The following SYT1 variants were observed in gnomAD, a reference collection of about 807,000 sequenced individuals.
SYT1 encodes synaptotagmin-1.
SYT1 carries 8 observed loss-of-function variants against 44.8 expected under a neutral mutation model. The observed-to-expected ratio is 0.18, with a 90% CI of 0.10 to 0.32. The LOEUF (loss-of-function observed/expected upper bound fraction) is 0.32. Ranked by LOEUF, SYT1 falls within the 10% of genes least tolerant of loss-of-function variation. The pLI is 1.00. For missense variants in SYT1, 286 were observed against 509.3 expected (o/e 0.56, Z 4.22); for synonymous variants, 154 against 188.8 (o/e 0.82, Z 1.51).
chr12:79,140,014 G>C (rs1031738232), intron 3 of SYT1, among the ~76,000 whole-genome samples: 19 of 152,142 alleles, frequency 1.2e-4, no homozygotes, highest in African/African-American at 4.3e-4. Context: ...AATGGAACAG[G>C]GGCTCTCCAC....
At chr12:79,239,260 A>T (rs1000429154) in intron 4 of SYT1, among the ~76,000 whole-genome samples, 1 of 152,244 alleles carries the variant, frequency 6.6e-6, no homozygotes, top group African/African-American at 2.4e-5. Context: ...TGAGAAAAAT[A>T]TCAGACAAAT....
intron 2 of SYT1, among the ~76,000 whole-genome samples, chr12:79,020,270 C>T (rs952968524): frequency 2.6e-5 from 4 of 151,848 alleles, no homozygotes; most frequent in Admixed American, 1.3e-4. Context: ...CAGCATGTTG[C>T]GAATGTGACT....
chr12:79,088,779 T>TGTGTGA (rs71091640), intron 3 of SYT1, among the ~76,000 whole-genome samples: 1 of 138,420 alleles, frequency 7.2e-6, no homozygotes, highest in Non-Finnish European at 1.6e-5. Flanking sequence ...TGTGTGTGTG[T>TGTGTGA]ATGTGTGTGT....
At chr12:79,095,303 A>G (rs1161500514) in intron 3 of SYT1, among the ~76,000 whole-genome samples, 1 of 151,966 alleles carries the variant, frequency 6.6e-6, no homozygotes, top group Non-Finnish European at 1.5e-5. Flanking sequence ...AGAGAAGGGA[A>G]GTTTTAAACT....
intron 6 of SYT1, among the ~76,000 whole-genome samples, chr12:79,292,504 T>A (rs1879637350): frequency 6.6e-6 from 1 of 152,230 alleles, no homozygotes. Context: ...TAGACAGGGC[T>A]AGGGGCCTTT....
chr12:79,089,098 A>G (rs1340229975), intron 3 of SYT1, among the ~76,000 whole-genome samples: 14 of 152,076 alleles, frequency 9.2e-5, no homozygotes, highest in African/African-American at 3.4e-4. Context: ...AAGAGAAAAG[A>G]ATGTGAGAAA....
chr12:79,026,675 A>ATATATATATATATTT (rs1408076391), intron 2 of SYT1, among the ~76,000 whole-genome samples: 1 of 131,310 alleles, frequency 7.6e-6, no homozygotes, highest in Non-Finnish European at 1.6e-5. Flanking sequence ...TTTTATATAT[A>ATATATATATATATTT]TATATATATA....
chr12:78,931,878 A>G (rs1877775822), intron 1 of SYT1, among the ~76,000 whole-genome samples: 1 of 152,198 alleles, frequency 6.6e-6, no homozygotes, highest in Non-Finnish European at 1.5e-5. Context: ...GAGTGTTGGT[A>G]AAAGCAGAGT....
intron 10 of SYT1, 53 bp from the exon 11 acceptor site, chr12:79,448,865 G>A (rs968139052): frequency 8.5e-6 from 13 of 1,533,630 alleles, no homozygotes; most frequent in Admixed American, 3.4e-5. Flanking sequence ...CTTTATAGTC[G>A]GGCCTTATCT....
intron 3 of SYT1, among the ~76,000 whole-genome samples, chr12:79,105,251 A>T (rs1284883466): frequency 6.6e-6 from 1 of 152,172 alleles, no homozygotes; most frequent in Non-Finnish European, 1.5e-5. Context: ...AATAATGATG[A>T]TGCCCAGCTT....
chr12:79,396,872 G>A (rs1473546242), intron 9 of SYT1, among the ~76,000 whole-genome samples: 1 of 152,112 alleles, frequency 6.6e-6, no homozygotes, highest in Non-Finnish European at 1.5e-5. Context: ...AAATAATTTT[G>A]GGTGCTGGTA....
chr12:79,276,968 G>A (rs1233366384), intron 4 of SYT1, among the ~76,000 whole-genome samples: 1 of 138,666 alleles, frequency 7.2e-6, no homozygotes, highest in South Asian at 2.2e-4. Context: ...GGAGGAGGAG[G>A]AGGAAGAGGA....
chr12:79,151,280 A>T (rs1230873192), intron 3 of SYT1, among the ~76,000 whole-genome samples: 1 of 152,136 alleles, frequency 6.6e-6, no homozygotes, highest in African/African-American at 2.4e-5. Context: ...CAACCTGGAG[A>T]TTATAAAGTT....
chr12:79,103,841 C>T (rs1878566024), intron 3 of SYT1, among the ~76,000 whole-genome samples: 1 of 151,934 alleles, frequency 6.6e-6, no homozygotes, highest in Admixed American at 6.6e-5. Context: ...CAGATAATGC[C>T]AGAGGATGGG....
chr12:79,043,265 C>T (rs112144649), intron 2 of SYT1, among the ~76,000 whole-genome samples: 5 of 149,062 alleles, frequency 3.4e-5, no homozygotes, highest in African/African-American at 1.3e-4. Context: ...GAGTCTAAGT[C>T]TCTTTGTGGG....
chr12:79,075,599 T>A (rs1413861698), intron 3 of SYT1, among the ~76,000 whole-genome samples: 1 of 152,182 alleles, frequency 6.6e-6, no homozygotes, highest in East Asian at 1.9e-4. Flanking sequence ...TTGTGTGACC[T>A]TAATCCCCAA....
At chr12:79,050,152 A>G (rs1157853711) in intron 3 of SYT1, among the ~76,000 whole-genome samples, 2 of 145,190 alleles carry the variant, frequency 1.4e-5, no homozygotes, top group Admixed American at 1.4e-4. Context: ...TTTTCATGTT[A>G]TGTGTATTAT....
At chr12:79,269,700 A>G (rs2138763055) in intron 4 of SYT1, among the ~76,000 whole-genome samples, 1 of 152,030 alleles carries the variant, frequency 6.6e-6, no homozygotes, top group Non-Finnish European at 1.5e-5. Context: ...AAAAGTACAC[A>G]CACACACACA....
At chr12:79,029,738 C>T (rs1592678848) in intron 2 of SYT1, among the ~76,000 whole-genome samples, 1 of 151,034 alleles carries the variant, frequency 6.6e-6, no homozygotes, top group East Asian at 1.9e-4. Context: ...TAAGAATTCT[C>T]ACAGTAACAT....
Sources: allele counts gnomAD v4.1 joint callset (sites outside exome capture counted in the v4.1 genomes callset), GRCh38; gene constraint gnomAD v4.1.1; transcripts MANE v1.5; gene names NCBI Gene and HGNC (gene_info 2026-07-23, HGNC 2026-07-21).